CD36: variants seen among roughly 807,000 people sequenced by gnomAD.
The protein encoded by CD36 is CD36 molecule (CD36 blood group), also known as platelet glycoprotein 4.
CD36 carries 119 observed loss-of-function variants against 55.2 expected under a neutral mutation model. The ratio of observed to expected loss-of-function variants is 2.15; its 90% CI spans 1.86 to 2.51. The LOEUF is 2.51. Among genes scored for constraint, CD36 ranks in the 30% most tolerant of loss-of-function variants. The pLI is 0.00. For missense variants in CD36, 819 were observed against 555.5 expected, an observed-to-expected ratio of 1.47 and a Z score of -4.77; for synonymous variants, 186 against 193.6, an observed-to-expected ratio of 0.96 and a Z score of 0.33.
At chr7:80,611,334 G>A (rs1282456192) in intron 1 of CD36, among the ~76,000 whole-genome samples, 2 of 152,028 alleles carry the variant, frequency 1.3e-5, no homozygotes, top group African/African-American at 4.8e-5. Flanking sequence ...TCGTCGTCCC[G>A]TGTCATTTTG....
chr7:80,612,454 T>C (rs1461742228), intron 1 of CD36, among the ~76,000 whole-genome samples: 1 of 152,222 alleles, frequency 6.6e-6, no homozygotes, highest in Non-Finnish European at 1.5e-5. Flanking sequence ...TTTTAATAAC[T>C]CAAAGCTTCT....
intron 3 of CD36, chr7:80,647,258 C>G (rs1029538092): frequency 6.8e-5 from 14 of 204,960 alleles, no homozygotes; most frequent in Admixed American, 2.2e-4. Context: ...AAAAGTAAAA[C>G]TGTGTGTGTG....
At chr7:80,645,285 G>GCT (rs1388153281) in intron 1 of CD36, among the ~76,000 whole-genome samples, 1 of 151,140 alleles carries the variant, frequency 6.6e-6, no homozygotes, top group Non-Finnish European at 1.5e-5. Context: ...CTTCCAAAGT[G>GCT]CTAGGATGAC....
intron 1 of CD36, among the ~76,000 whole-genome samples, chr7:80,622,868 A>G (rs924498006): frequency 6.6e-6 from 1 of 152,222 alleles, no homozygotes; most frequent in African/African-American, 2.4e-5. Context: ...TTAAGTACCT[A>G]GACCAATTTG....
intron 8 of CD36, among the ~76,000 whole-genome samples, chr7:80,667,602 C>A (rs947087569): frequency 6.6e-6 from 1 of 151,782 alleles, no homozygotes; most frequent in Non-Finnish European, 1.5e-5. Flanking sequence ...AAATGAAGTA[C>A]AGAGAATGTT....
intron 11 of CD36, 68 bp downstream of exon 11, chr7:80,672,108 C>G: frequency 8.2e-7 from 1 of 1,226,086 alleles, no homozygotes; most frequent in African/African-American, 1.5e-5. Context: ...TAAAAATAAT[C>G]TTGTCGATGA....
chr7:80,627,760 A>T (rs1259758907), intron 1 of CD36, among the ~76,000 whole-genome samples: 1 of 152,074 alleles, frequency 6.6e-6, no homozygotes, highest in Non-Finnish European at 1.5e-5. Flanking sequence ...ACATTTTACA[A>T]AACTTTATTT....
intron 3 of CD36, among the ~76,000 whole-genome samples, chr7:80,650,424 A>G (rs908095732): frequency 6.6e-6 from 1 of 151,996 alleles, no homozygotes; most frequent in African/African-American, 2.4e-5. Context: ...TTTGGCATAG[A>G]GTAGGAGTCA....
chr7:80,651,851 G>A (rs1352167012), intron 3 of CD36, among the ~76,000 whole-genome samples: 1 of 152,172 alleles, frequency 6.6e-6, no homozygotes, highest in East Asian at 1.9e-4. Flanking sequence ...TGAGGCTGCA[G>A]TGAGCTAAGG....
At chr7:80,615,726 G>A (rs1416788026) in intron 1 of CD36, among the ~76,000 whole-genome samples, 4 of 152,150 alleles carry the variant, frequency 2.6e-5, no homozygotes, top group African/African-American at 9.7e-5. Context: ...ACTTGAAGTT[G>A]TATTATTTCT....
intron 1 of CD36, among the ~76,000 whole-genome samples, chr7:80,629,860 AC>A (rs1182223126): frequency 2.7e-5 from 4 of 150,630 alleles, no homozygotes; most frequent in African/African-American, 9.8e-5. Flanking sequence ...AATCTTATTC[AC>A]CTAGATTGTC....
chr7:80,664,613 A>G (rs1359406146), intron 7 of CD36, 116 bp downstream of exon 7: 3 of 729,972 alleles, frequency 4.1e-6, no homozygotes, highest in Non-Finnish European at 7.6e-6. Context: ...ACCTGGTTAT[A>G]ATTCAGCTCT....
At chr7:80,644,100 G>A (rs1794989049) in intron 1 of CD36, among the ~76,000 whole-genome samples, 1 of 152,140 alleles carries the variant, frequency 6.6e-6, no homozygotes, top group South Asian at 2.1e-4. Context: ...ATTATGCATT[G>A]CAAAGGAAAT....
intron 1 of CD36, among the ~76,000 whole-genome samples, chr7:80,607,081 A>T (rs563019551): frequency 6.6e-6 from 1 of 152,294 alleles, no homozygotes; most frequent in African/African-American, 2.4e-5. Context: ...GGCAAACAGG[A>T]TGCTTACTAT....
chr7:80,661,575 G>T (rs11574711), intron 5 of CD36, among the ~76,000 whole-genome samples: 3 of 152,116 alleles, frequency 2.0e-5, no homozygotes, highest in East Asian at 3.9e-4. Context: ...GTTTCCAAAC[G>T]CAGCCTGTAA....
intron 3 of CD36, among the ~76,000 whole-genome samples, chr7:80,655,068 C>T (rs1190494063): frequency 6.6e-6 from 1 of 152,138 alleles, no homozygotes; most frequent in African/African-American, 2.4e-5. Flanking sequence ...CTTTCCTAAT[C>T]TGTCATTCTG....
At chr7:80,667,424 T>C (rs1405328174) in intron 8 of CD36, among the ~76,000 whole-genome samples, 5 of 112,782 alleles carry the variant, frequency 4.4e-5, no homozygotes, top group African/African-American at 1.9e-4. Context: ...TGTGAGACCC[T>C]GTCTCAAAAA....
intron 8 of CD36, among the ~76,000 whole-genome samples, chr7:80,668,628 C>T (rs1018253842): frequency 3.3e-5 from 5 of 152,108 alleles, no homozygotes; most frequent in African/African-American, 1.2e-4. Context: ...ACATAATCTT[C>T]AATGATATTT....
upstream of CD36, among the ~76,000 whole-genome samples, chr7:80,633,705 G>A (rs1425254616): frequency 1.3e-5 from 2 of 151,950 alleles, no homozygotes; most frequent in African/African-American, 4.8e-5. Context: ...ACTGAAAAAT[G>A]TTCATCTATT....
Sources: gnomAD v4.1 joint callset for allele counts (sites outside exome capture counted in the v4.1 genomes callset) on GRCh38, gnomAD v4.1.1 for gene constraint, MANE v1.5 for transcripts, NCBI Gene and HGNC (gene_info 2026-07-23, HGNC 2026-07-21) for gene names.